DAB1: variants seen among roughly 807,000 people sequenced by gnomAD.
DAB1 encodes the protein disabled homolog 1.
In DAB1, 15 loss-of-function variants were observed where a neutral mutation model predicts 64.6. That is an observed-to-expected ratio of 0.23 (90% CI 0.16 to 0.36). The LOEUF is 0.36. Among genes scored for constraint, DAB1 ranks in the 10% least tolerant of loss-of-function variants. The pLI, the probability that DAB1 is intolerant of heterozygous loss-of-function variation, is 1.00. For synonymous variants in DAB1, 235 were observed against 251.9 expected, an observed-to-expected ratio of 0.93 and a Z score of 0.64; for missense variants, 596 against 706.7, an observed-to-expected ratio of 0.84 and a Z score of 1.78.
intron 2 of DAB1, among the ~76,000 whole-genome samples, chr1:57,195,293 C>T (rs1664533220): frequency 6.6e-6 from 1 of 152,178 alleles, no homozygotes; most frequent in Admixed American, 6.5e-5. Context: ...TGCTTTCACC[C>T]TCCTTAATAC....
intron 7 of DAB1, among the ~76,000 whole-genome samples, chr1:57,548,635 G>C (rs1004472478): frequency 6.6e-6 from 1 of 152,196 alleles, no homozygotes; most frequent in Non-Finnish European, 1.5e-5. Context: ...CTCCTGAAAA[G>C]AATAGCACAC....
chr1:58,048,277 G>A, intron 5 of DAB1: 3 of 1,282,780 alleles, frequency 2.3e-6, no homozygotes, highest in Non-Finnish European at 3.4e-6. Flanking sequence ...CGCCATAGGG[G>A]CCAGAGCTTC....
At chr1:57,324,349 CTT>C (rs1392656209) in intron 1 of DAB1, among the ~76,000 whole-genome samples, 1 of 152,178 alleles carries the variant, frequency 6.6e-6, no homozygotes, top group African/African-American at 2.4e-5. Flanking sequence ...ACCTGCTAGG[CTT>C]TCTCCTATGA....
At chr1:57,768,557 A>G (rs1240899337) in intron 6 of DAB1, among the ~76,000 whole-genome samples, 2 of 149,964 alleles carry the variant, frequency 1.3e-5, no homozygotes, top group Non-Finnish European at 3.0e-5. Context: ...TGTATAAATT[A>G]TAAATATATA....
chr1:57,692,794 G>A (rs1646779250), intron 6 of DAB1, among the ~76,000 whole-genome samples: 1 of 152,166 alleles, frequency 6.6e-6, no homozygotes, highest in African/African-American at 2.4e-5. Context: ...TGCTGAGAAA[G>A]GAGGACTCTG....
At chr1:57,010,647 A>G in intron 14 of DAB1, 33 bp downstream of exon 14, 1 of 1,199,358 alleles carries the variant, frequency 8.3e-7, no homozygotes, top group Non-Finnish European at 1.2e-6. Flanking sequence ...AGATAGCTTA[A>G]GGGTAAAGGA....
intron 1 of DAB1, among the ~76,000 whole-genome samples, chr1:57,351,301 C>T (rs1678573003): frequency 2.0e-5 from 3 of 152,106 alleles, no homozygotes; most frequent in Admixed American, 1.3e-4. Context: ...AAGGACAACA[C>T]AGAAGTAGGC....
intron 3 of DAB1, among the ~76,000 whole-genome samples, chr1:58,394,488 G>T (rs541216479): frequency 2.1e-4 from 32 of 152,252 alleles, no homozygotes; most frequent in Admixed American, 5.2e-4. Flanking sequence ...CTCGTGAATG[G>T]TTAAATAAAT....
chr1:57,303,551 G>A (rs1673855259), intron 1 of DAB1, among the ~76,000 whole-genome samples: 1 of 152,206 alleles, frequency 6.6e-6, no homozygotes, highest in Admixed American at 6.5e-5. Context: ...CTGGTAGAGA[G>A]ACTAGAAGTG....
intron 1 of DAB1, chr1:58,538,702 TA>T (rs916233149): frequency 5.1e-6 from 3 of 587,242 alleles, no homozygotes; most frequent in East Asian, 6.1e-5. Flanking sequence ...GTTTTATAAA[TA>T]AAAAAATTAA....
intron 9 of DAB1, among the ~76,000 whole-genome samples, chr1:57,040,139 C>A (rs567485616): frequency 9.2e-5 from 14 of 152,180 alleles, no homozygotes; most frequent in African/African-American, 3.4e-4. Context: ...CTGGTGGTTA[C>A]TAGTATTATT....
At chr1:57,439,446 T>TTTTTTTTTTTTTTTTTG (rs1685847161) in intron 7 of DAB1, among the ~76,000 whole-genome samples, 1 of 141,940 alleles carries the variant, frequency 7.0e-6, no homozygotes, top group Non-Finnish European at 1.5e-5. Flanking sequence ...TTTTTTTTTT[T>TTTTTTTTTTTTTTTTTG]TGAGACGGAG....
At chr1:58,425,981 T>G (rs534110899) in intron 3 of DAB1, among the ~76,000 whole-genome samples, 1 of 152,172 alleles carries the variant, frequency 6.6e-6, no homozygotes, top group Admixed American at 6.5e-5. Flanking sequence ...TGATTGTCTG[T>G]GTGCTGAAGG....
At chr1:58,148,158 C>G (rs1255500681) in intron 5 of DAB1, among the ~76,000 whole-genome samples, 5 of 152,126 alleles carry the variant, frequency 3.3e-5, no homozygotes, top group Admixed American at 6.6e-5. Flanking sequence ...TTCTCTGTAG[C>G]CTGACCTACC....
chr1:57,782,337 C>A (rs1046033494), intron 6 of DAB1, among the ~76,000 whole-genome samples: 1 of 152,150 alleles, frequency 6.6e-6, no homozygotes, highest in African/African-American at 2.4e-5. Flanking sequence ...GTGACACAGT[C>A]AAAGACACAC....
chr1:57,043,413 G>A (rs773254756), intron 9 of DAB1, among the ~76,000 whole-genome samples: 1 of 152,126 alleles, frequency 6.6e-6, no homozygotes, highest in African/African-American at 2.4e-5. Context: ...AAGAAATGCT[G>A]ATTCTATCCC....
chr1:58,532,981 T>C (rs1646458630), intron 1 of DAB1, among the ~76,000 whole-genome samples: 1 of 152,232 alleles, frequency 6.6e-6, no homozygotes, highest in South Asian at 2.1e-4. Flanking sequence ...TTAGAATCAT[T>C]ATCATTTCCA....
intron 5 of DAB1, among the ~76,000 whole-genome samples, chr1:58,039,039 G>A (rs533409896): frequency 2.6e-5 from 4 of 152,012 alleles, no homozygotes; most frequent in South Asian, 2.1e-4. Flanking sequence ...ACTAAGCCCC[G>A]ACTCTGTTAA....
rs184817608 is a variant in DAB1, at chr1:57,458,589, T to C, written n.626-167423A>G. Among the ~76,000 whole-genome samples, 438 of 152,236 alleles carry C rather than the reference T, an allele frequency of 2.9e-3. 1 individual carries two copies. The highest frequency in any genetic ancestry group is 4.3e-3 in the Non-Finnish European group (289 of 67,960). ...AAAACAAAAGGTATTTACTCTTGCA[T>C]TCTAGGACTCTATCATAAGCAAATA... On this transcript the variant is annotated intron_variant and non_coding_transcript_variant, in intron 7 of 20. Transcript: ENST00000485760.
Sources: gnomAD v4.1 joint callset for allele counts (sites outside exome capture counted in the v4.1 genomes callset) on GRCh38, gnomAD v4.1.1 for gene constraint, MANE v1.5 for transcripts, NCBI Gene and HGNC (gene_info 2026-07-23, HGNC 2026-07-21) for gene names.